USP32: variants seen among roughly 807,000 people sequenced by gnomAD.
The protein encoded by USP32 is ubiquitin specific peptidase 32.
In USP32, 59 loss-of-function variants were observed where a neutral mutation model predicts 204.8. The observed-to-expected ratio is 0.29, with a 90% CI of 0.23 to 0.36. The LOEUF (loss-of-function observed/expected upper bound fraction) is 0.36. Ranked by LOEUF, USP32 falls within the 10% of genes least tolerant of loss-of-function variation. USP32 has a pLI of 1.00. For missense variants in USP32, 1,160 were observed against 1,946.4 expected (o/e 0.60, Z 7.60); for synonymous variants, 517 against 678.4 (o/e 0.76, Z 3.70).
chr17:60,327,145 C>A (rs2088260520), intron 2 of USP32, among the ~76,000 whole-genome samples: 1 of 152,160 alleles, frequency 6.6e-6, no homozygotes. Context: ...GTTCCCAACA[C>A]AAAGAAATGA....
In USP32 at chr17:60,205,589, A is replaced by G. The variant is rs1481873496; in HGVS notation, c.3107T>C (p.Ile1036Thr). 6.2e-7 allele frequency: 1 copy of G among 1,613,932 alleles called. No homozygotes were observed. The highest frequency in any genetic ancestry group is 8.5e-7 in the Non-Finnish European group (1 of 1,179,852). The change falls in exon 26 of 34, where the codon ATA becomes ACA. Residue 1036 changes from isoleucine to threonine, a missense_variant. This residue lies in a region of USP32 where 47 missense variants were observed against 71.1 expected (regional missense o/e 0.66). Coordinates refer to ENST00000300896, the MANE Select transcript of USP32 (RefSeq NM_032582.4). ...LTTNGDLPRP[I>T]FIPNGMPNTV... ...GTTTGGCATTCCATTGGGGATGAAT[A>G]TTGGTCGGGGTAGGTCCCCATTGGT...
rs1396608065 is a variant in USP32 at position 60,345,382 on chromosome 17, G to C, written c.186+99C>G. 2.7e-6 allele frequency: 4 copies of C among 1,500,394 alleles called. No individual in the cohort carries two copies. In the African/African-American group the frequency reaches 4.2e-5, roughly 16 times the overall value. The allele number at this position is 1,500,394 out of a possible 1,614,324, so 92.9% of individuals were successfully genotyped here. A position where few individuals can be genotyped will look rare whatever the true frequency, so the allele number is the denominator to read the frequency against. ...CCACTCAGGAAGAAAAATAACTACA[G>C]GTAAGATTAAATCTGTTAAGAGCAG... On this transcript the variant is annotated intron_variant, in intron 2 of 33. Coordinates refer to ENST00000300896, the MANE Select transcript of USP32 (RefSeq NM_032582.4).
rs142317905 is a variant in USP32, at chr17:60,332,155, G to A, written c.186+13326C>T. Among the ~76,000 whole-genome samples, 286 of 151,794 alleles carry A rather than the reference G, an allele frequency of 1.9e-3. 8 individuals are homozygous for A. The East Asian group carries it at 0.054, about 29-fold the overall frequency. On this transcript the variant is annotated intron_variant, in intron 2 of 33. Transcript: ENST00000300896. ...TGCCTGTAGTCCCAGATACTCGGGA[G>A]GCTGAGGCACGAGACTCGCTTGAAC...
chr17:60,303,859 A>G (rs1327128567), intron 2 of USP32, among the ~76,000 whole-genome samples: 1 of 152,158 alleles, frequency 6.6e-6, no homozygotes, highest in Non-Finnish European at 1.5e-5. Flanking sequence ...AAACGAAACA[A>G]AAGGGGGAAA....
At chr17:60,217,472 T>G (rs2085133244) in intron 16 of USP32, among the ~76,000 whole-genome samples, 1 of 152,136 alleles carries the variant, frequency 6.6e-6, no homozygotes, top group South Asian at 2.1e-4. Flanking sequence ...TTTTTGTATT[T>G]TTAGTAAAGA....
chr17:60,198,293 G>A lies in USP32; in HGVS notation c.3401C>T (p.Pro1134Leu). ...GGCATGATTACTAGCTTCCTGAGGT[G>A]GGAGTGGGCTCGCTAACCGGGATAC... ...IQVSRLASPL[P>L]PQEASNHAQD... The change falls in exon 27 of 34, where the codon CCA (proline) becomes CTA (leucine). Residue 1134 changes from proline to leucine, a missense_variant. Pro to Leu is a moderately conservative substitution (Grantham distance 98). Coordinates refer to ENST00000300896, the MANE Select transcript of USP32 (RefSeq NM_032582.4). 1 of 1,614,152 alleles carries A rather than the reference G, an allele frequency of 6.2e-7. No individual in the cohort carries two copies. Among genetic ancestry groups the A allele is most frequent in the Non-Finnish European group, 8.5e-7 (1 of 1,179,996 alleles).
chr17:60,404,040 A>G, intron 1 of USP32, among the ~76,000 whole-genome samples: 2 of 100,860 alleles, frequency 2.0e-5, no homozygotes, highest in East Asian at 2.9e-4. Flanking sequence ...ACCCTGCCTC[A>G]AAAAAAAAAA....
At chr17:60,218,568 CAT>C (rs1270722448) in intron 16 of USP32, among the ~76,000 whole-genome samples, 5 of 151,804 alleles carry the variant, frequency 3.3e-5, no homozygotes, top group Non-Finnish European at 5.9e-5. Flanking sequence ...GTATTGTTAA[CAT>C]AGTCTGAGAA....
intron 1 of USP32, among the ~76,000 whole-genome samples, chr17:60,355,147 C>T (rs1239750463): frequency 6.6e-6 from 1 of 152,132 alleles, no homozygotes; most frequent in Non-Finnish European, 1.5e-5. Flanking sequence ...ATGGATGATG[C>T]TCACAGATAT....
intron 1 of USP32, among the ~76,000 whole-genome samples, chr17:60,380,467 C>T (rs2089627640): frequency 1.3e-5 from 2 of 152,060 alleles, no homozygotes; most frequent in Non-Finnish European, 2.9e-5. Flanking sequence ...GCTAGGGAAG[C>T]TGAAATAGGA....
intron 15 of USP32, among the ~76,000 whole-genome samples, chr17:60,220,721 G>A (rs1015293484): frequency 4.6e-5 from 7 of 151,292 alleles, no homozygotes; most frequent in African/African-American, 9.7e-5. Flanking sequence ...TCGGCTCACC[G>A]CAAGCTCTGC....
intron 15 of USP32, among the ~76,000 whole-genome samples, chr17:60,220,479 T>TA (rs908200494): frequency 1.6e-4 from 24 of 152,062 alleles, no homozygotes; most frequent in African/African-American, 3.1e-4. Flanking sequence ...AATTTGGATG[T>TA]AAAAAAAACT....
intron 12 of USP32, among the ~76,000 whole-genome samples, chr17:60,234,094 C>T (rs181524325): frequency 8.6e-5 from 13 of 151,938 alleles, no homozygotes; most frequent in East Asian, 3.9e-4. Flanking sequence ...GGACTACAGG[C>T]GCACACTACC....
intron 5 of USP32, among the ~76,000 whole-genome samples, chr17:60,276,891 T>A (rs988753160): frequency 7.9e-5 from 12 of 151,278 alleles, no homozygotes; most frequent in African/African-American, 2.9e-4. Context: ...GGATATAGAC[T>A]GCACATTCCT....
At chr17:60,253,012 GAGT>G in intron 10 of USP32, among the ~76,000 whole-genome samples, 1 of 152,258 alleles carries the variant, frequency 6.6e-6, no homozygotes, top group Admixed American at 6.5e-5. Flanking sequence ...TTTAGGTGTT[GAGT>G]AGATTATTGG....
intron 12 of USP32, among the ~76,000 whole-genome samples, chr17:60,230,010 C>T (rs555621374): frequency 4.6e-5 from 7 of 152,182 alleles, no homozygotes; most frequent in South Asian, 2.1e-4. Context: ...GACAGGGTTT[C>T]GCCACGTTGG....
intron 1 of USP32, among the ~76,000 whole-genome samples, chr17:60,347,351 ATTT>A (rs372941030): frequency 5.5e-4 from 72 of 131,186 alleles, no homozygotes; most frequent in African/African-American, 1.7e-3. Context: ...CACCTGGCTC[ATTT>A]TTTTTTTTTT....
intron 2 of USP32, among the ~76,000 whole-genome samples, chr17:60,318,114 T>C (rs1281524625): frequency 1.3e-5 from 2 of 152,218 alleles, no homozygotes; most frequent in Non-Finnish European, 2.9e-5. Context: ...GTTTTGTAAA[T>C]GACAAAGTTG....
intron 1 of USP32, among the ~76,000 whole-genome samples, chr17:60,364,972 G>A (rs780564021): frequency 4.6e-5 from 7 of 151,998 alleles, no homozygotes; most frequent in Non-Finnish European, 1.0e-4. Flanking sequence ...ATTACAAAAA[G>A]GTCAGATGTT....
Sources: allele counts gnomAD v4.1 joint callset (sites outside exome capture counted in the v4.1 genomes callset), GRCh38; gene constraint gnomAD v4.1.1; regional missense constraint gnomAD v4.1.1; transcripts MANE v1.5; gene names NCBI Gene and HGNC (gene_info 2026-07-23, HGNC 2026-07-21).